Variants in AEBP2 observed in about 807,000 individuals in gnomAD.
AEBP2 encodes the protein zinc finger protein AEBP2.
A neutral mutation model predicts 50.8 loss-of-function variants in AEBP2; 10 were observed. The observed-to-expected ratio is 0.20, with a 90% CI of 0.12 to 0.33. The LOEUF (loss-of-function observed/expected upper bound fraction) is 0.33, where lower values mean the gene tolerates loss of function less well. Among genes scored for constraint, AEBP2 ranks in the 10% least tolerant of loss-of-function variants. The probability of loss-of-function intolerance (pLI) is 1.00; values close to 1 mark genes in which losing one functional copy is unlikely to be tolerated. For missense variants in AEBP2, 570 were observed against 688.0 expected (o/e 0.83, Z 1.92); for synonymous variants, 296 against 261.3 (o/e 1.13, Z -1.28).
intron 1 of AEBP2, among the ~76,000 whole-genome samples, chr12:19,441,928 C>T (rs942770296): frequency 6.6e-6 from 1 of 152,126 alleles, no homozygotes; most frequent in African/African-American, 2.4e-5. Flanking sequence ...AATTAGATGT[C>T]TTCCATTTCA....
Position 19,511,204 on chromosome 12 carries a change from A to C in AEBP2, c.1300-1194A>C, listed in dbSNP as rs535860959. Among the ~76,000 whole-genome samples, 13 of 152,200 alleles carry C rather than the reference A, an allele frequency of 8.5e-5. No homozygotes were observed. In the South Asian group the frequency reaches 2.7e-3, roughly 32 times the overall value. On this transcript the variant is annotated intron_variant, in intron 5 of 7. Coordinates refer to ENST00000266508, the MANE Select transcript of AEBP2 (RefSeq NM_153207.5). ...ATAAATAAGTCTTTAGTTTTAGTAG[A>C]GTGGGATTTGTTTTGTTTTACTGTT...
At chr12:19,447,435 T>TTG (rs1347596000) in intron 1 of AEBP2, among the ~76,000 whole-genome samples, 1 of 152,188 alleles carries the variant, frequency 6.6e-6, no homozygotes, top group Non-Finnish European at 1.5e-5. Context: ...GATTGGCACT[T>TTG]TATCTGTAGC....
chr12:19,426,410 C>T (rs1336117395), intron 1 of AEBP2, among the ~76,000 whole-genome samples: 3 of 152,164 alleles, frequency 2.0e-5, no homozygotes, highest in African/African-American at 7.2e-5. Context: ...TCTTTGGTAA[C>T]TACTGTTATC....
intron 2 of AEBP2, among the ~76,000 whole-genome samples, chr12:19,467,826 T>G (rs1157931636): frequency 6.6e-6 from 1 of 152,150 alleles, no homozygotes; most frequent in Non-Finnish European, 1.5e-5. Context: ...ATAGGATTTA[T>G]TTTCTGTGTC....
rs1948282042 is a variant in AEBP2, at chr12:19,457,069, G to A, written c.672-5441G>A. ...ATTCCAACCAGAAATTGGCACAAAT[G>A]CTTCTGTGTCGGGGTTGTAGCCAAT... On this transcript the variant is annotated intron_variant, in intron 1 of 7. Transcript: ENST00000266508. 47 of 1,606,818 alleles carry A rather than the reference G, an allele frequency of 2.9e-5. 1 individual carries two copies. In the South Asian group the frequency reaches 4.7e-4, roughly 16 times the overall value.
At position 19,519,520 on chromosome 12, in the gene AEBP2, G is replaced by T. The variant is rs1360113854; in HGVS notation, c.*1403G>T. Reference sequence around the variant, plus strand: ...GGCACTCATTTCTGACAGTGATCAAGAAATCAGTTATTTCCTTACTGTTGG... The same window carrying T: ...GGCACTCATTTCTGACAGTGATCAATAAATCAGTTATTTCCTTACTGTTGG... On this transcript the variant is annotated 3_prime_UTR_variant, in exon 8 of 8. Transcript: ENST00000266508. 6.6e-6 allele frequency: 1 copy of T among 152,550 alleles called. No individual in the cohort carries two copies. Among genetic ancestry groups the T allele is most frequent in the Non-Finnish European group, 1.5e-5 (1 of 67,964 alleles). The allele number at this position is 152,550 out of a possible 1,614,324, so 9.4% of individuals were successfully genotyped here. A position where few individuals can be genotyped will look rare whatever the true frequency, so the allele number is the denominator to read the frequency against.
intron 1 of AEBP2, among the ~76,000 whole-genome samples, chr12:19,434,035 C>T (rs1287482137): frequency 2.6e-5 from 4 of 151,620 alleles, no homozygotes; most frequent in Admixed American, 6.6e-5. Flanking sequence ...TTAGTAGGGA[C>T]GAGGTTTTAC....
In AEBP2 at chr12:19,518,448, TC is replaced by T; in HGVS notation, c.*332del. On this transcript the variant is annotated 3_prime_UTR_variant, in exon 8 of 8. Transcript: ENST00000266508. ...TGCTGCTTTAAGCTGCTTTTTTTTTTCTTTTCTTCCCTTTAGTGATTTCAGT... is the reference window on the plus strand; with the variant it reads ...TGCTGCTTTAAGCTGCTTTTTTTTTTTTTTCTTCCCTTTAGTGATTTCAGT... 1 of 1,237,416 alleles carries T rather than the reference TC, an allele frequency of 8.1e-7. No homozygotes were observed. The highest frequency in any genetic ancestry group is 1.0e-6 in the Non-Finnish European group (1 of 988,670). 76.7% of individuals were successfully genotyped at this position (1,237,416 alleles called of 1,614,324 possible).
At chr12:19,438,299 T>C (rs1947882138), upstream of AEBP2, among the ~76,000 whole-genome samples, 1 of 152,258 alleles carries the variant, frequency 6.6e-6, no homozygotes, top group Non-Finnish European at 1.5e-5. Context: ...GTTAGATCTT[T>C]ATGCGATTTT....
At chr12:19,471,618 C>T (rs987263804) in intron 2 of AEBP2, among the ~76,000 whole-genome samples, 1 of 152,164 alleles carries the variant, frequency 6.6e-6, no homozygotes, top group East Asian at 1.9e-4. Flanking sequence ...CATCCTGCCT[C>T]AGCTGCTAGC....
At chr12:19,431,568 A>G (rs1222073706) in intron 1 of AEBP2, among the ~76,000 whole-genome samples, 3 of 152,216 alleles carry the variant, frequency 2.0e-5, no homozygotes, top group Non-Finnish European at 2.9e-5. Context: ...TACTAATACT[A>G]CACCTACATA....
intron 2 of AEBP2, chr12:19,466,918 T>C (rs1592741911): frequency 1.1e-5 from 7 of 650,356 alleles, no homozygotes; most frequent in Non-Finnish European, 1.3e-5. Context: ...ATCTTTGCCC[T>C]GGGGAGAAAA....
At chr12:19,465,568 T>G (rs549748017) in intron 2 of AEBP2, among the ~76,000 whole-genome samples, 35 of 152,262 alleles carry the variant, frequency 2.3e-4, no homozygotes, top group Non-Finnish European at 3.8e-4. Context: ...ATGGTTTGTT[T>G]GTTTGTAGAG....
intron 5 of AEBP2, among the ~76,000 whole-genome samples, chr12:19,510,163 C>T (rs1949213302): frequency 6.6e-6 from 1 of 152,050 alleles, no homozygotes; most frequent in South Asian, 2.1e-4. Flanking sequence ...ATTGCATTCT[C>T]CATTTATTGG....
At chr12:19,433,667 C>A (rs1223383466) in intron 1 of AEBP2, among the ~76,000 whole-genome samples, 3 of 151,680 alleles carry the variant, frequency 2.0e-5, no homozygotes, top group Non-Finnish European at 2.9e-5. Context: ...GTGATCCCAG[C>A]TACTCGGGAG....
rs113032941 is a variant in AEBP2 at position 19,513,973 on chromosome 12, T to C, written c.1368-698T>C. On this transcript the variant is annotated intron_variant, in intron 6 of 7. Coordinates refer to ENST00000266508, the MANE Select transcript of AEBP2 (RefSeq NM_153207.5). ...TTTTTTTTTTTTAAATGGACTTTAA[T>C]CTTACAGGTTTTGTTTCTGTTTTTT... Among the ~76,000 whole-genome samples, 390 of 150,656 alleles carry C rather than the reference T, an allele frequency of 2.6e-3. 1 individual carries two copies. Among genetic ancestry groups the C allele is most frequent in the African/African-American group, 8.9e-3 (366 of 41,102 alleles).
At chr12:19,436,519 C>T (rs1264410748), upstream of AEBP2, among the ~76,000 whole-genome samples, 1 of 152,036 alleles carries the variant, frequency 6.6e-6, no homozygotes, top group Non-Finnish European at 1.5e-5. Context: ...AGAACCCTCT[C>T]CTGGGGTCGG....
At chr12:19,460,479 G>T (rs536771558) in intron 1 of AEBP2, among the ~76,000 whole-genome samples, 1 of 151,906 alleles carries the variant, frequency 6.6e-6, no homozygotes, top group Admixed American at 6.6e-5. Context: ...TCAGCCTCCC[G>T]AGTAGCTGGG....
intron 4 of AEBP2, among the ~76,000 whole-genome samples, chr12:19,499,407 G>A (rs1455741325): frequency 6.6e-6 from 1 of 152,140 alleles, no homozygotes; most frequent in African/African-American, 2.4e-5. Context: ...GAAGCCAGGA[G>A]TTCAAGACCA....
Sources: allele counts gnomAD v4.1 joint callset (sites outside exome capture counted in the v4.1 genomes callset), GRCh38; gene constraint gnomAD v4.1.1; transcripts MANE v1.5; gene names NCBI Gene and HGNC (gene_info 2026-07-23, HGNC 2026-07-21).